RAI14: variants seen among roughly 807,000 people sequenced by gnomAD.
RAI14 encodes retinoic acid induced 14, also known as ankycorbin.
Under a neutral mutation model 115.4 loss-of-function variants are expected in RAI14, and 45 were observed. The observed-to-expected ratio is 0.39, with a 90% confidence interval of 0.31 to 0.50. RAI14 has a LOEUF of 0.50. Among genes scored for constraint, RAI14 ranks in the 20% least tolerant of loss-of-function variants. RAI14 has a pLI of 0.85. For synonymous variants in RAI14, 371 were observed against 415.4 expected (o/e 0.89, Z 1.30); for missense variants, 939 against 1,131.2 (o/e 0.83, Z 2.44).
rs755917493 is a variant in RAI14, at chr5:34,823,312, C to G, written c.1470C>G (p.Ser490Arg). ...GCCAGAAACTTAAAGAAACTCAGAG[C>G]AAATACGAGGAGGCTATGAAAGAAG... ...DLSQKLKETQ[S>R]KYEEAMKEVL... is the part of the protein sequence containing the mutation. The change falls in exon 15 of 18, where the codon AGC becomes AGG. Residue 490 changes from serine (S) to arginine (R), a missense_variant. By Grantham distance (110) the Ser-to-Arg change is moderately radical. Transcript: ENST00000265109. This position sits in a 1 kb window ranked among gnomAD's most constrained non-coding sequence, Gnocchi z 4.5. 30 of 1,613,846 alleles carry G rather than the reference C, an allele frequency of 1.9e-5. No homozygotes were observed. The South Asian group carries it at 3.2e-4, about 17-fold the overall frequency.
intron 16 of RAI14, among the ~76,000 whole-genome samples, chr5:34,828,732 A>G (rs1319000558): frequency 3.3e-5 from 5 of 152,198 alleles, no homozygotes; most frequent in African/African-American, 1.2e-4. Flanking sequence ...ACAGCCACTG[A>G]GAGGAACTGG....
intron 1 of RAI14, among the ~76,000 whole-genome samples, chr5:34,681,670 AT>A (rs1332884780): frequency 6.7e-6 from 1 of 149,476 alleles, no homozygotes; most frequent in African/African-American, 2.5e-5. Context: ...AATTAAAAAA[AT>A]TTTTTTTTGT....
intron 2 of RAI14, among the ~76,000 whole-genome samples, chr5:34,714,705 G>A (rs1253281082): frequency 6.6e-6 from 1 of 152,108 alleles, no homozygotes; most frequent in South Asian, 2.1e-4. Context: ...CAATACCTTC[G>A]TTGCATTGTC....
chr5:34,706,547 C>T (rs553285444), intron 2 of RAI14, among the ~76,000 whole-genome samples: 5 of 152,134 alleles, frequency 3.3e-5, no homozygotes, highest in South Asian at 4.1e-4. Context: ...AAATGATACT[C>T]GAACCCGGAG....
At chr5:34,668,120 G>A (rs1410238705) in intron 1 of RAI14, among the ~76,000 whole-genome samples, 1 of 152,090 alleles carries the variant, frequency 6.6e-6, no homozygotes, top group African/African-American at 2.4e-5. Context: ...GCCAAGACAG[G>A]GGTGGACTCA....
At chr5:34,742,971 TAGTGTCTA>T (rs1274168447) in intron 2 of RAI14, among the ~76,000 whole-genome samples, 2 of 152,320 alleles carry the variant, frequency 1.3e-5, no homozygotes, top group Non-Finnish European at 2.9e-5. Flanking sequence ...CTGCTGTTTT[TAGTGTCTA>T]TACCCAAAGC....
chr5:34,674,520 A>T (rs1743833754), intron 1 of RAI14, among the ~76,000 whole-genome samples: 1 of 152,038 alleles, frequency 6.6e-6, no homozygotes, highest in Admixed American at 6.6e-5. Flanking sequence ...CTCACTCTAA[A>T]GATATTTTTC....
intron 3 of RAI14, among the ~76,000 whole-genome samples, chr5:34,778,762 GAAAA>G: frequency 7.0e-6 from 1 of 143,228 alleles, no homozygotes; most frequent in South Asian, 2.3e-4. Context: ...TTAAAGAAAG[GAAAA>G]AAAAAAACTA....
At chr5:34,720,554 G>A (rs1249989953) in intron 2 of RAI14, among the ~76,000 whole-genome samples, 1 of 151,824 alleles carries the variant, frequency 6.6e-6, no homozygotes, top group East Asian at 1.9e-4. Context: ...GGGACTATAG[G>A]CGCCCGCCAC....
At chr5:34,725,903 A>G (rs1743385309) in intron 2 of RAI14, among the ~76,000 whole-genome samples, 2 of 146,752 alleles carry the variant, frequency 1.4e-5, no homozygotes, top group Admixed American at 1.4e-4. Context: ...CAGAGGCTGC[A>G]GTGAGCTGAG....
chr5:34,691,431 T>C (rs1738585436), intron 2 of RAI14, among the ~76,000 whole-genome samples: 1 of 152,196 alleles, frequency 6.6e-6, no homozygotes, highest in Non-Finnish European at 1.5e-5. Flanking sequence ...CTTGAAAAAG[T>C]GGCTTCTTTA....
chr5:34,686,716 A>C, intron 1 of RAI14, 156 bp from the exon 2 acceptor site: 1 of 398,910 alleles, frequency 2.5e-6, no homozygotes, highest in Non-Finnish European at 4.5e-6. Flanking sequence ...AGTATATCGT[A>C]AGTGGAAATA....
At position 34,808,669 on chromosome 5, in the gene RAI14, G is replaced by A. The variant is rs371812851; in HGVS notation, c.450+15G>A. 4.4e-5 allele frequency: 71 copies of A among 1,610,518 alleles called. No individual in the cohort carries two copies. Among genetic ancestry groups the A allele is most frequent in the Non-Finnish European group, 5.8e-5 (68 of 1,176,904 alleles). On this transcript the variant is annotated intron_variant, in intron 7 of 17. Transcript: ENST00000265109. ...TCAAAGATTTGGTAAGTACCAGGTG[G>A]TCACTAGAGGCAGAGGTAGACATTG... is the stretch of plus-strand genomic sequence containing the variant.
chr5:34,797,176 A>G (rs1050329767), intron 4 of RAI14, among the ~76,000 whole-genome samples: 26 of 152,178 alleles, frequency 1.7e-4, no homozygotes, highest in Admixed American at 1.1e-3. Flanking sequence ...ATAGGTTTCT[A>G]TTAGTGTTTA....
chr5:34,694,282 A>G (rs985928080), intron 2 of RAI14, among the ~76,000 whole-genome samples: 1 of 152,206 alleles, frequency 6.6e-6, no homozygotes, highest in African/African-American at 2.4e-5. Context: ...TTCTTCTATG[A>G]ACTTCTCCTT....
chr5:34,725,032 T>C (rs941597872), intron 2 of RAI14, among the ~76,000 whole-genome samples: 4 of 151,850 alleles, frequency 2.6e-5, no homozygotes, highest in Non-Finnish European at 4.4e-5. Context: ...GCAGAAGCCA[T>C]TGGAGAGAGA....
intron 4 of RAI14, among the ~76,000 whole-genome samples, chr5:34,798,432 C>A (rs1269489658): frequency 6.6e-6 from 1 of 151,562 alleles, no homozygotes; most frequent in Non-Finnish European, 1.5e-5. Context: ...CAAGTTCCTA[C>A]TCCTATCAGA....
At chr5:34,821,422 G>A (rs1047651628) in intron 13 of RAI14, among the ~76,000 whole-genome samples, 1 of 151,648 alleles carries the variant, frequency 6.6e-6, no homozygotes, top group African/African-American at 2.4e-5. Context: ...CAAGGCACAG[G>A]GAAGAACCAA....
At chr5:34,778,218 C>G (rs1438435011) in intron 3 of RAI14, among the ~76,000 whole-genome samples, 6 of 152,134 alleles carry the variant, frequency 3.9e-5, no homozygotes, top group African/African-American at 1.4e-4. Flanking sequence ...TAGTGTAGTG[C>G]TACTCAAACT....
Sources: allele counts gnomAD v4.1 joint callset (sites outside exome capture counted in the v4.1 genomes callset), GRCh38; gene constraint gnomAD v4.1.1; non-coding constraint Gnocchi (gnomAD v3.1); transcripts MANE v1.5; gene names NCBI Gene and HGNC (gene_info 2026-07-23, HGNC 2026-07-21).